Variants in AXDND1 observed in about 807,000 individuals in gnomAD.
AXDND1 encodes axonemal dynein light chain domain containing 1, also known as axonemal dynein light chain domain-containing protein 1.
A neutral mutation model predicts 137.5 loss-of-function variants in AXDND1; 110 were observed. That is an observed-to-expected ratio of 0.80 (90% CI 0.69 to 0.94). The LOEUF (loss-of-function observed/expected upper bound fraction) is 0.94, where lower values mean the gene tolerates loss of function less well. Ranked by LOEUF, AXDND1 falls within the 40% of genes least tolerant of loss-of-function variation. The pLI is 0.00. For synonymous variants in AXDND1, 414 were observed against 399.7 expected, an observed-to-expected ratio of 1.04 and a Z score of -0.43; for missense variants, 1,191 against 1,169.8, an observed-to-expected ratio of 1.02 and a Z score of -0.26.
intron 20 of AXDND1, among the ~76,000 whole-genome samples, chr1:179,494,838 G>A (rs930733983): frequency 2.0e-5 from 3 of 151,988 alleles, no homozygotes; most frequent in Non-Finnish European, 2.9e-5. Context: ...AGAGTTTTAG[G>A]CATTATATTC....
chr1:179,502,964 G>A (rs372445289), intron 20 of AXDND1, among the ~76,000 whole-genome samples: 4 of 151,454 alleles, frequency 2.6e-5, no homozygotes, highest in African/African-American at 7.3e-5. Context: ...GCGTGGTGGC[G>A]CATGCCTGTA....
At chr1:179,404,341 C>T (rs1464008897) in intron 11 of AXDND1, among the ~76,000 whole-genome samples, 1 of 151,914 alleles carries the variant, frequency 6.6e-6, no homozygotes, top group Non-Finnish European at 1.5e-5. Flanking sequence ...CCTGCCTCAG[C>T]CTCCTGAGTA....
At chr1:179,455,301 A>C (rs1226179233) in intron 16 of AXDND1, 58 of 124,922 alleles carry the variant, frequency 4.6e-4, no homozygotes, top group African/African-American at 1.5e-3. Context: ...AAAGTAAAAA[A>C]AAAAAAAGAG....
chr1:179,368,801 A>G lies in AXDND1; in HGVS notation c.99A>G (p.Gly33=), dbSNP rs1667729729. Residue 33 remains glycine (G), a splice_region_variant and synonymous_variant, in exon 3 of 26, where the codon GGA becomes GGG. Transcript: ENST00000367618. ...KVSVAKEGTR[G]LPELKEKKNM... ...TTTTCTTTTCCACTACTTACTTAGGACTTCCTGAGCTAAAGGAGAAAAAAA... is the reference window on the plus strand; with the variant it reads ...TTTTCTTTTCCACTACTTACTTAGGGCTTCCTGAGCTAAAGGAGAAAAAAA... 5 of 1,604,752 alleles carry G rather than the reference A, an allele frequency of 3.1e-6. No homozygotes were observed. The Middle Eastern group carries it at 5.0e-4, about 160-fold the overall frequency.
intron 24 of AXDND1, 90 bp downstream of exon 24, chr1:179,533,967 G>T (rs900926291): frequency 9.2e-6 from 10 of 1,083,806 alleles, no homozygotes; most frequent in South Asian, 1.3e-5. Flanking sequence ...CTTCCCTTTG[G>T]CTCTCCTGCT....
chr1:179,415,173 C>G (rs897415969), intron 12 of AXDND1, among the ~76,000 whole-genome samples: 8 of 152,286 alleles, frequency 5.3e-5, no homozygotes, highest in Middle Eastern at 3.4e-3. Context: ...GAAACCCCAT[C>G]TCTACTAAAA....
At chr1:179,536,930 C>G (rs1482295203) in intron 25 of AXDND1, among the ~76,000 whole-genome samples, 6 of 152,168 alleles carry the variant, frequency 3.9e-5, no homozygotes, top group Non-Finnish European at 8.8e-5. Flanking sequence ...TTCTTCACAT[C>G]CCTTGTAAGT....
intron 9 of AXDND1, among the ~76,000 whole-genome samples, chr1:179,389,024 C>G (rs10913744): frequency 0.31 from 40,269 of 131,708 alleles, 6,017 homozygotes; most frequent in Middle Eastern, 0.35. Flanking sequence ...ACCCAGGCTA[C>G]AGTGCAATGG....
At chr1:179,408,785 T>G (rs1422873114) in intron 11 of AXDND1, among the ~76,000 whole-genome samples, 2 of 152,042 alleles carry the variant, frequency 1.3e-5, no homozygotes, top group African/African-American at 4.8e-5. Flanking sequence ...GCTCAAGCAA[T>G]CCTTACACAT....
intron 11 of AXDND1, among the ~76,000 whole-genome samples, chr1:179,396,509 A>G (rs4652372): frequency 0.64 from 97,569 of 151,672 alleles, 31,739 homozygotes; most frequent in Middle Eastern, 0.7. Flanking sequence ...ATTAGCTGAC[A>G]TGGTGGCACG....
At chr1:179,491,414 A>G (rs1666882941) in intron 18 of AXDND1, 124 bp from the exon 19 acceptor site, 2 of 664,570 alleles carry the variant, frequency 3.0e-6, no homozygotes, top group African/African-American at 1.9e-5. Context: ...ACTTGATTTC[A>G]TTAAGAATTA....
At chr1:179,385,853 C>T (rs909529274) in intron 9 of AXDND1, among the ~76,000 whole-genome samples, 1 of 152,122 alleles carries the variant, frequency 6.6e-6, no homozygotes, top group African/African-American at 2.4e-5. Context: ...TTGTTTGGTA[C>T]CTGGCCTTGG....
chr1:179,410,386 A>G (rs1653689065), intron 11 of AXDND1, among the ~76,000 whole-genome samples: 1 of 152,104 alleles, frequency 6.6e-6, no homozygotes, highest in African/African-American at 2.4e-5. Context: ...ACACGCCACC[A>G]CACCTGGCTA....
chr1:179,521,228 G>C (rs1252379255), intron 21 of AXDND1, among the ~76,000 whole-genome samples: 1 of 152,084 alleles, frequency 6.6e-6, no homozygotes, highest in East Asian at 1.9e-4. Flanking sequence ...AAAGTGCTGG[G>C]CTTACAGATG....
chr1:179,515,244 C>T (rs1669425591), intron 21 of AXDND1, among the ~76,000 whole-genome samples: 1 of 151,890 alleles, frequency 6.6e-6, no homozygotes, highest in Non-Finnish European at 1.5e-5. Flanking sequence ...CTCTTTTTAG[C>T]AGTTCTTGGT....
intron 17 of AXDND1, among the ~76,000 whole-genome samples, chr1:179,471,219 A>G (rs1331325741): frequency 6.6e-6 from 1 of 151,998 alleles, no homozygotes; most frequent in Non-Finnish European, 1.5e-5. Context: ...CTGGTGTTAT[A>G]TCAATGTAAT....
In AXDND1 at chr1:179,366,487, A is replaced by C; in HGVS notation, c.-23A>C. The C allele has an allele frequency of 1.0e-5, 16 of 1,567,454 alleles. No homozygotes were observed. The highest frequency in any genetic ancestry group is 1.4e-5 in the African/African-American group (1 of 73,872). ...CCGGAGGACTATTTCAAATTACTAA[A>C]GAGATAGGAGGCATTGTTTATTATG... On this transcript the variant is annotated 5_prime_UTR_variant, in exon 2 of 26. Transcript: ENST00000367618.
In AXDND1 at chr1:179,444,882, G is replaced by A. The variant is rs74981542; in HGVS notation, c.1564-88G>A. 5,532 of 819,388 alleles carry A rather than the reference G, an allele frequency of 6.8e-3. 180 individuals are homozygous for A. In the African/African-American group the frequency reaches 0.079, roughly 12 times the overall value. 50.8% of individuals were successfully genotyped at this position (819,388 alleles called of 1,614,324 possible). ...AGGATATGCAACTCCAAAATAATTGGGAGTCACTGGGGAATAAGCATCTGG... is the reference window on the plus strand; with the variant it reads ...AGGATATGCAACTCCAAAATAATTGAGAGTCACTGGGGAATAAGCATCTGG... On this transcript the variant is annotated intron_variant, in intron 15 of 25. Coordinates refer to ENST00000367618, the MANE Select transcript of AXDND1 (RefSeq NM_144696.6).
intron 18 of AXDND1, among the ~76,000 whole-genome samples, chr1:179,485,437 C>A (rs1034493505): frequency 6.6e-6 from 1 of 152,136 alleles, no homozygotes; most frequent in Non-Finnish European, 1.5e-5. Context: ...GAGCCTTGGA[C>A]CCCTAAAATC....
Sources: allele counts gnomAD v4.1 joint callset (sites outside exome capture counted in the v4.1 genomes callset), GRCh38; gene constraint gnomAD v4.1.1; transcripts MANE v1.5; gene names NCBI Gene and HGNC (gene_info 2026-07-23, HGNC 2026-07-21).